Variants in SPEG observed in about 807,000 individuals in gnomAD.
The protein encoded by SPEG is striated muscle preferentially expressed protein kinase.
In SPEG, 114 loss-of-function variants were observed where a neutral mutation model predicts 300.4. The ratio of observed to expected loss-of-function variants is 0.38; its 90% confidence interval spans 0.33 to 0.44. The LOEUF is 0.44. SPEG is among the 20% of genes least tolerant of loss of function. The pLI is 1.00. For synonymous variants in SPEG, 1,964 were observed against 2,018.9 expected (o/e 0.97, Z 0.73); for missense variants, 4,201 against 4,586.2 (o/e 0.92, Z 2.43).
chr2:219,451,620 C>T lies in SPEG; in HGVS notation c.2258-5C>T. The stretch of plus-strand genomic sequence containing the variant: ...GGCGAGCCGGGTCCCTGTGCCTCCC[C>T]ACAGTGTCCTGGCACAAGGATGGGT... On this transcript the variant is annotated splice_polypyrimidine_tract_variant and splice_region_variant and intron_variant, in intron 5 of 40. Transcript: ENST00000312358. This position sits in a 1 kb window ranked among gnomAD's most constrained non-coding sequence, Gnocchi z 6.4. 1 of 1,543,506 alleles carries T rather than the reference C, an allele frequency of 6.5e-7. No individual in the cohort carries two copies. Among genetic ancestry groups the T allele is most frequent in the East Asian group, 2.3e-5 (1 of 42,844 alleles).
Position 219,444,672 on chromosome 2 carries a change from T to A in SPEG, c.408T>A (p.Asp136Glu). The change falls in exon 2 of 41, where the codon GAT (aspartate) becomes GAA (glutamate). Residue 136 changes from aspartate (D) to glutamate (E), a missense_variant. Physicochemically the swap from Asp to Glu is conservative, Grantham distance 45 (BLOSUM62 2). This residue lies in a region of SPEG where 1,258 missense variants were observed against 1,293.9 expected (regional missense o/e 0.97). Coordinates refer to ENST00000312358, the MANE Select transcript of SPEG (RefSeq NM_005876.5). The surrounding 1 kb of genome is among the most constrained non-coding windows in gnomAD (Gnocchi z 7.8). ...LEVGDSETAE[D>E]DISDVQGTQR... ...CTCCAGACTCAGAGACGGCTGAGGATGACATCAGCGATGTGCAGGGAACCC... is the reference window on the plus strand; with the variant it reads ...CTCCAGACTCAGAGACGGCTGAGGAAGACATCAGCGATGTGCAGGGAACCC... 6.2e-7 allele frequency: 1 copy of A among 1,613,846 alleles called. No individual in the cohort carries two copies. Among genetic ancestry groups the A allele is most frequent in the East Asian group, 2.2e-5 (1 of 44,872 alleles).
In SPEG at chr2:219,462,287, A is replaced by ACCC. The variant is rs36101624; in HGVS notation, c.2617-8_2617-6dup. The ACCC allele has an allele frequency of 9.0e-6, 14 of 1,556,370 alleles. No homozygotes were observed. The South Asian group carries it at 1.5e-4, about 17-fold the overall frequency. The stretch of plus-strand genomic sequence containing the variant: ...CTGTCTTCCCCTGACACTTTGGGGT[A>ACCC]CCCCCTTCAGGTCTCACTTATGGAC... On this transcript the variant is annotated splice_polypyrimidine_tract_variant and intron_variant, in intron 7 of 40. Coordinates refer to ENST00000312358, the MANE Select transcript of SPEG (RefSeq NM_005876.5).
At position 219,480,672 on chromosome 2, in the gene SPEG, C is replaced by T. The variant is rs1423558182; in HGVS notation, c.5344C>T (p.Pro1782Ser). ...CCTATCACTCTCCTTTTCCCACAGG[C>T]CTGTGGGTGTTGTTGCCTTCCTCTG... ...SPVSGVTDIWPVGVVAFLCLT... is the reference protein window; with the variant it reads ...SPVSGVTDIWSVGVVAFLCLT... The change falls in exon 26 of 41, where the codon CCT becomes TCT. Residue 1782 changes from proline (P) to serine (S), a missense_variant and splice_region_variant. Pro to Ser is a moderately conservative substitution (Grantham distance 74). This residue lies in a region of SPEG where 1,047 missense variants were observed against 1,356.8 expected (regional missense o/e 0.77). Transcript: ENST00000312358. The surrounding 1 kb of genome is among the most constrained non-coding windows in gnomAD (Gnocchi z 5.3). 3 of 1,613,982 alleles carry T rather than the reference C, an allele frequency of 1.9e-6. No homozygotes were observed. Among genetic ancestry groups the T allele is most frequent in the Admixed American group, 1.7e-5 (1 of 60,018 alleles).
At chr2:219,463,026 A>G (rs2125410166) in intron 8 of SPEG, among the ~76,000 whole-genome samples, 1 of 152,320 alleles carries the variant, frequency 6.6e-6, no homozygotes, top group Admixed American at 6.5e-5. Flanking sequence ...TGGGCAACAT[A>G]GTGAGACTCT....
chr2:219,488,443 G>T, intron 32 of SPEG, 55 bp from the exon 33 acceptor site: 1 of 1,529,126 alleles, frequency 6.5e-7, no homozygotes, highest in Non-Finnish European at 8.8e-7. Flanking sequence ...GAGTGAGGGG[G>T]CCTGGACATG....
At position 219,445,290 on chromosome 2, in the gene SPEG, C is replaced by T; in HGVS notation, c.815+129C>T. 2 of 893,490 alleles carry T rather than the reference C, an allele frequency of 2.2e-6. No homozygotes were observed. The highest frequency in any genetic ancestry group is 3.5e-6 in the Non-Finnish European group (2 of 567,050). The allele number at this position is 893,490 out of a possible 1,614,324, so 55.3% of individuals were successfully genotyped here. On this transcript the variant is annotated intron_variant, in intron 3 of 40. Transcript: ENST00000312358. The surrounding 1 kb of genome is among the most constrained non-coding windows in gnomAD (Gnocchi z 6.1). ...ATCTCTCTGTGCATTTCTTCACCCCCTGCTGCCACTCCATCTTCCCACACT... is the reference window on the plus strand; with the variant it reads ...ATCTCTCTGTGCATTTCTTCACCCCTTGCTGCCACTCCATCTTCCCACACT...
In SPEG at chr2:219,484,524, G is replaced by A. The variant is rs762373682; in HGVS notation, c.7061G>A (p.Arg2354His). 1 of 1,599,464 alleles carries A rather than the reference G, an allele frequency of 6.3e-7. No individual in the cohort carries two copies. The highest frequency in any genetic ancestry group is 8.5e-7 in the Non-Finnish European group (1 of 1,175,694). ...TCGCTGGGGCTGCGGCTGCTGAGCCGTTCGCGCTCGGAGGAGCGCGGCCCC... is the reference window on the plus strand; with the variant it reads ...TCGCTGGGGCTGCGGCTGCTGAGCCATTCGCGCTCGGAGGAGCGCGGCCCC... ...PLSLGLRLLS[R>H]SRSEERGPFR... The change falls in exon 30 of 41, where the codon CGT (arginine) becomes CAT (histidine). Residue 2354 changes from arginine (R) to histidine (H), a missense_variant. Physicochemically the swap from Arg to His is conservative, Grantham distance 29 (BLOSUM62 0). Around this residue, in one of 4 missense-constraint regions of SPEG, gnomAD observed 1,578 missense variants for 1,506.0 expected, o/e 1.05. Transcript: ENST00000312358.
intron 18 of SPEG, among the ~76,000 whole-genome samples, chr2:219,475,953 C>T (rs1025695673): frequency 1.3e-5 from 2 of 152,158 alleles, no homozygotes; most frequent in Non-Finnish European, 2.9e-5. Flanking sequence ...GGGGTCCACA[C>T]CCGGCCGCCC....
chr2:219,458,122 T>C lies in SPEG; in HGVS notation c.2441-3760T>C, dbSNP rs1690335664. On this transcript the variant is annotated intron_variant, in intron 6 of 40. Transcript: ENST00000312358. This position sits in a 1 kb window ranked among gnomAD's most constrained non-coding sequence, Gnocchi z 4.2. ...ACTCCTTAGCACTGGCAGCTGTGCCTGGGGGCCCTCCTGGACAGTTAGGGG... is the reference window on the plus strand; with the variant it reads ...ACTCCTTAGCACTGGCAGCTGTGCCCGGGGGCCCTCCTGGACAGTTAGGGG... 6.6e-6 allele frequency among the ~76,000 whole-genome samples: 1 copy of C among 152,110 alleles called. No individual in the cohort carries two copies. Among genetic ancestry groups the C allele is most frequent in the Admixed American group, 6.5e-5 (1 of 15,280 alleles).
chr2:219,450,831 G>T, intron 4 of SPEG: 1 of 247,572 alleles, frequency 4.0e-6, no homozygotes, highest in Non-Finnish European at 7.7e-6. Context: ...ACGTGTTAAA[G>T]ACATACACAG....
At chr2:219,440,297 G>A (rs1024181805) in intron 1 of SPEG, among the ~76,000 whole-genome samples, 1 of 151,594 alleles carries the variant, frequency 6.6e-6, no homozygotes, top group African/African-American at 2.4e-5. Flanking sequence ...TGAGGTGGGG[G>A]GAATCTCTTG....
Position 219,488,635 on chromosome 2 carries a change from A to G in SPEG, c.7996A>G (p.Ile2666Val). Reference protein sequence around the residue: ...ECSATNVLGSITSSCTVAVAR... With the variant: ...ECSATNVLGSVTSSCTVAVAR... ...CTCGGCCACCAACGTACTGGGCAGC[A>G]TCACCAGCTCCTGTACCGTGGCTGT... Residue 2666 changes from isoleucine to valine, a missense_variant, in exon 33 of 41, where the codon ATC becomes GTC. Ile to Val is a conservative substitution (Grantham distance 29). Around this residue, in one of 4 missense-constraint regions of SPEG, gnomAD observed 1,578 missense variants for 1,506.0 expected, o/e 1.05. Transcript: ENST00000312358. 1 of 1,609,298 alleles carries G rather than the reference A, an allele frequency of 6.2e-7. No homozygotes were observed. The highest frequency in any genetic ancestry group is 8.5e-7 in the Non-Finnish European group (1 of 1,177,456).
chr2:219,466,245 C>T, intron 9 of SPEG: 1 of 1,435,362 alleles, frequency 7.0e-7, no homozygotes, highest in South Asian at 1.5e-5. Flanking sequence ...CCCATGGGCC[C>T]CTGTGGACCC....
At chr2:219,452,435 G>C (rs1291286807) in intron 6 of SPEG, among the ~76,000 whole-genome samples, 1 of 152,188 alleles carries the variant, frequency 6.6e-6, no homozygotes, top group Non-Finnish European at 1.5e-5. Flanking sequence ...GGTTCAGCTG[G>C]ATCAGTGTCG....
At chr2:219,462,260 C>A (rs1386329744) in intron 7 of SPEG, 38 bp from the exon 8 acceptor site, 8 of 1,517,052 alleles carry the variant, frequency 5.3e-6, no homozygotes, top group Non-Finnish European at 7.2e-6. Flanking sequence ...CAAGGCTCTG[C>A]CCTGTCTTCC....
intron 15 of SPEG, 21 bp from the exon 16 acceptor site, chr2:219,472,869 T>C: frequency 6.4e-7 from 1 of 1,556,080 alleles, no homozygotes; most frequent in African/African-American, 1.4e-5. Context: ...CAGCAGCCTC[T>C]AGTAGCTCCT....
intron 7 of SPEG, 119 bp downstream of exon 7, chr2:219,462,176 C>A (rs887485884): frequency 1.7e-6 from 2 of 1,185,618 alleles, no homozygotes; most frequent in Non-Finnish European, 2.4e-6. Context: ...CCCATTCAAA[C>A]CCTCTTACCC....
chr2:219,464,838 C>T lies in SPEG; in HGVS notation c.2881+230C>T. 1.9e-6 allele frequency: 1 copy of T among 526,774 alleles called. No homozygotes were observed. The highest frequency in any genetic ancestry group is 2.5e-5 in the South Asian group (1 of 40,602). 32.6% of individuals were successfully genotyped at this position (526,774 alleles called of 1,614,324 possible). A position where few individuals can be genotyped will look rare whatever the true frequency, so the allele number is the denominator to read the frequency against. ...CCGTGCTCAGCTTACTACACAACAC[C>T]ACCTTCCCTGTTGCTCCATCACGGA... On this transcript the variant is annotated intron_variant, in intron 9 of 40. Coordinates refer to ENST00000312358, the MANE Select transcript of SPEG (RefSeq NM_005876.5). This position sits in a 1 kb window ranked among gnomAD's most constrained non-coding sequence, Gnocchi z 4.5.
chr2:219,467,464 G>T lies in SPEG; in HGVS notation c.3142+30G>T, dbSNP rs770472608. 1.9e-6 allele frequency: 3 copies of T among 1,577,446 alleles called. No individual in the cohort carries two copies. In the East Asian group the frequency reaches 6.8e-5, roughly 36 times the overall value. ...CTCCCCACTCAGGCATTGGGCTGCCGTGGGTGCCCAAGAGCTGGAGGGAGG... is the reference window on the plus strand; with the variant it reads ...CTCCCCACTCAGGCATTGGGCTGCCTTGGGTGCCCAAGAGCTGGAGGGAGG... On this transcript the variant is annotated intron_variant, in intron 10 of 40. Coordinates refer to ENST00000312358, the MANE Select transcript of SPEG (RefSeq NM_005876.5).
Sources: allele counts gnomAD v4.1 joint callset (sites outside exome capture counted in the v4.1 genomes callset), GRCh38; gene constraint gnomAD v4.1.1; regional missense constraint gnomAD v4.1.1; non-coding constraint Gnocchi (gnomAD v3.1); transcripts MANE v1.5; gene names NCBI Gene and HGNC (gene_info 2026-07-23, HGNC 2026-07-21).